The following CLTCL1 variants were observed in gnomAD, a reference collection of about 807,000 sequenced individuals.
The protein encoded by CLTCL1 is clathrin heavy chain like 1.
A neutral mutation model predicts 190.0 loss-of-function variants in CLTCL1; 159 were observed. The observed-to-expected ratio is 0.84, with a 90% CI of 0.74 to 0.95. The LOEUF (loss-of-function observed/expected upper bound fraction) is 0.95, where lower values mean the gene tolerates loss of function less well. CLTCL1 is among the 40% of genes least tolerant of loss of function. CLTCL1 has a pLI of 0.00. For missense variants in CLTCL1, 1,878 were observed against 2,033.4 expected (o/e 0.92, Z 1.47); for synonymous variants, 752 against 769.6 (o/e 0.98, Z 0.38).
intron 1 of CLTCL1, among the ~76,000 whole-genome samples, chr22:19,279,606 A>C (rs933425058): frequency 2.0e-5 from 3 of 152,248 alleles, no homozygotes; most frequent in Non-Finnish European, 2.9e-5. Flanking sequence ...CTTGAAGCCA[A>C]GTAAATGTGA....
chr22:19,287,164 A>T (rs1275924098), intron 1 of CLTCL1, among the ~76,000 whole-genome samples: 1 of 152,198 alleles, frequency 6.6e-6, no homozygotes. Context: ...AAACAGCAAT[A>T]CCCTTCCAAC....
chr22:19,208,215 G>C lies in CLTCL1; in HGVS notation c.3539C>G (p.Thr1180Ser), dbSNP rs782699251. The C allele has an allele frequency of 1.9e-6, 3 of 1,613,730 alleles. No homozygotes were observed. In the African/African-American group the frequency reaches 4.0e-5, roughly 22 times the overall value. The change falls in exon 22 of 33, where the codon ACC becomes AGC. Residue 1180 changes from threonine to serine, a missense_variant. Coordinates refer to ENST00000427926, the MANE Select transcript of CLTCL1 (RefSeq NM_007098.4). ...ATCTTCTAGCTCAGAAACACGGCTG[G>C]TTTTAGCCAAGGCAAAAATAAGTTC... The part of the protein sequence containing the change: ...ETELIFALAK[T>S]SRVSELEDFI...
rs1184340615 is a variant in CLTCL1, at chr22:19,239,363, G to A, written c.707C>T (p.Pro236Leu). The A allele has an allele frequency of 6.2e-7, 1 of 1,613,862 alleles. No homozygotes were observed. The highest frequency in any genetic ancestry group is 8.5e-7 in the Non-Finnish European group (1 of 1,179,872). Residue 236 changes from proline to leucine, a missense_variant, in exon 5 of 33, where the codon CCT (proline) becomes CTT (leucine). Transcript: ENST00000427926. ...TACAAAAGGTTGGTTTCCCGCTGCA[G>A]GCTGTCCAACTTCAATGATGTGCAA... Reference protein sequence around the residue: ...GKLHIIEVGQPAAGNQPFVKK... With the variant: ...GKLHIIEVGQLAAGNQPFVKK...
intron 2 of CLTCL1, among the ~76,000 whole-genome samples, chr22:19,260,497 T>C (rs2086905020): frequency 6.7e-6 from 1 of 148,580 alleles, no homozygotes; most frequent in Admixed American, 6.6e-5. Context: ...CTAAATTGAC[T>C]GGGCGCAGTG....
intron 14 of CLTCL1, among the ~76,000 whole-genome samples, chr22:19,223,139 T>A (rs2085628685): frequency 6.6e-6 from 1 of 152,112 alleles, no homozygotes; most frequent in Non-Finnish European, 1.5e-5. Context: ...ACACCTGCGG[T>A]AAGGGCTGCC....
At chr22:19,220,579 T>C (rs2085535419) in intron 17 of CLTCL1, among the ~76,000 whole-genome samples, 1 of 152,216 alleles carries the variant, frequency 6.6e-6, no homozygotes, top group Non-Finnish European at 1.5e-5. Context: ...AACAGTCCAC[T>C]GGAATGTTCT....
intron 2 of CLTCL1, among the ~76,000 whole-genome samples, chr22:19,266,035 G>A (rs1555977775): frequency 6.6e-6 from 1 of 151,514 alleles, no homozygotes; most frequent in Non-Finnish European, 1.5e-5. Context: ...TACCACACTG[G>A]CTAGTTTTTT....
At chr22:19,265,389 T>C (rs548386538) in intron 2 of CLTCL1, among the ~76,000 whole-genome samples, 1 of 152,274 alleles carries the variant, frequency 6.6e-6, no homozygotes, top group South Asian at 2.1e-4. Flanking sequence ...GCACTGGATA[T>C]GATAAATATG....
intron 29 of CLTCL1, chr22:19,183,869 C>T (rs2084224485): frequency 3.9e-6 from 2 of 517,206 alleles, no homozygotes; most frequent in Non-Finnish European, 3.5e-6. Context: ...GAACTCTAGC[C>T]CCGAGGGCAG....
chr22:19,202,477 CA>C, intron 22 of CLTCL1, among the ~76,000 whole-genome samples: 1 of 123,552 alleles, frequency 8.1e-6, no homozygotes, highest in East Asian at 3.0e-4. Flanking sequence ...CCTCCTTTGC[CA>C]TCCACGGTAC....
intron 2 of CLTCL1, among the ~76,000 whole-genome samples, chr22:19,260,500 G>T (rs1382616177): frequency 6.7e-6 from 1 of 148,658 alleles, no homozygotes; most frequent in East Asian, 1.9e-4. Flanking sequence ...AATTGACTGG[G>T]CGCAGTGGCT....
intron 29 of CLTCL1, among the ~76,000 whole-genome samples, chr22:19,186,667 C>G (rs1311835421): frequency 6.6e-6 from 1 of 151,876 alleles, no homozygotes; most frequent in Non-Finnish European, 1.5e-5. Flanking sequence ...GTGGCGTGAT[C>G]TCCGCTCACT....
chr22:19,291,711 A>C lies in CLTCL1; in HGVS notation c.-70T>G, dbSNP rs1178843079. The stretch of plus-strand genomic sequence containing the variant: ...GAACGCCGACCCCTCGCGCGGGCTG[A>C]CCGGTGGCGACGGCGCAGGCGCAGT... On this transcript the variant is annotated 5_prime_UTR_variant, in exon 1 of 33. Coordinates refer to ENST00000427926, the MANE Select transcript of CLTCL1 (RefSeq NM_007098.4). The C allele has an allele frequency of 7.8e-7, 1 of 1,288,206 alleles. No homozygotes were observed. The highest frequency in any genetic ancestry group is 9.9e-7 in the Non-Finnish European group (1 of 1,010,080). 79.8% of individuals were successfully genotyped at this position (1,288,206 alleles called of 1,614,324 possible). A position where few individuals can be genotyped will look rare whatever the true frequency, so the allele number is the denominator to read the frequency against.
intron 1 of CLTCL1, among the ~76,000 whole-genome samples, chr22:19,282,881 T>C (rs1376166810): frequency 2.1e-4 from 31 of 150,808 alleles, no homozygotes; most frequent in Admixed American, 2.0e-3. Context: ...CTTTTTTTTT[T>C]TTTTTTAGAC....
chr22:19,222,757 C>A lies in CLTCL1; in HGVS notation c.2345G>T (p.Gly782Val), dbSNP rs1555953353. The A allele has an allele frequency of 5.0e-6, 8 of 1,600,594 alleles. No individual in the cohort carries two copies. Among genetic ancestry groups the A allele is most frequent in the Non-Finnish European group, 6.8e-6 (8 of 1,173,662 alleles). Residue 782 changes from glycine (G) to valine (V), a missense_variant, in exon 15 of 33, where the codon GGC becomes GTC. By Grantham distance (109) the Gly-to-Val change is moderately radical (BLOSUM62 -3). Transcript: ENST00000427926. Reference protein sequence around the residue: ...LPLIIVCDRFGFVHDLVLYLY... With the variant: ...LPLIIVCDRFVFVHDLVLYLY... ...ATATAGGACAAGGTCATGGACAAAG[C>A]CAAAACGATCACACACGATGATGAG...
chr22:19,226,635 ACAGAGTTGGGC>A (rs1555956230), intron 11 of CLTCL1, among the ~76,000 whole-genome samples: 1 of 152,244 alleles, frequency 6.6e-6, no homozygotes, highest in Non-Finnish European at 1.5e-5. Flanking sequence ...CCATGTGGTC[ACAGAGTTGGGC>A]CTGTGAGAAA....
At position 19,216,254 on chromosome 22, in the gene CLTCL1, C is replaced by T; in HGVS notation, c.2922G>A (p.Val974=). 5 of 1,613,318 alleles carry T rather than the reference C, an allele frequency of 3.1e-6. No homozygotes were observed. The highest frequency in any genetic ancestry group is 4.2e-6 in the Non-Finnish European group (5 of 1,179,648). The change falls in exon 19 of 33, where the codon GTG becomes GTA. Residue 974 remains valine (V), a splice_region_variant and synonymous_variant. Transcript: ENST00000427926. ...GTGTTTCTGACAATGCTGTCTGTAC[C>T]ACCTGGTTTTAAAAAGCATTTGAAA... The part of the protein sequence containing the change: ...NPSRRQLIDQ[V]VQTALSETRD...
At position 19,208,650 on chromosome 22, in the gene CLTCL1, C is replaced by CT. The variant is rs1215937407; in HGVS notation, c.3442+271dup. Among the ~76,000 whole-genome samples the CT allele has an allele frequency of 2.0e-5, 3 of 151,336 alleles. No homozygotes were observed. The Admixed American group carries it at 2.0e-4, about 10-fold the overall frequency. On this transcript the variant is annotated intron_variant, in intron 21 of 32. Coordinates refer to ENST00000427926, the MANE Select transcript of CLTCL1 (RefSeq NM_007098.4). Reference sequence around the variant, plus strand: ...CTGGGAATTGTGGGCCTGTCACTCACTTTAAAATTACTACAGTGGCGATAT... The same window carrying CT: ...CTGGGAATTGTGGGCCTGTCACTCACTTTTAAAATTACTACAGTGGCGATAT...
At chr22:19,225,656 C>T in intron 12 of CLTCL1, 23 bp from the exon 13 acceptor site, 2 of 1,546,440 alleles carry the variant, frequency 1.3e-6, no homozygotes, top group Non-Finnish European at 1.8e-6. Flanking sequence ...AAGAGTCTGT[C>T]CACAACGATG....
Sources: gnomAD v4.1 joint callset for allele counts (sites outside exome capture counted in the v4.1 genomes callset) on GRCh38, gnomAD v4.1.1 for gene constraint, MANE v1.5 for transcripts, NCBI Gene and HGNC (gene_info 2026-07-23, HGNC 2026-07-21) for gene names.